HMGCLL1: variants seen among roughly 807,000 people sequenced by gnomAD.
The protein encoded by HMGCLL1 is 3-hydroxy-3-methylglutaryl-CoA lyase like 1.
Under a neutral mutation model 39.1 loss-of-function variants are expected in HMGCLL1, and 36 were observed. The observed-to-expected ratio is 0.92, with a 90% CI of 0.71 to 1.22. The LOEUF is 1.22. HMGCLL1 is among the 50% of genes most tolerant of loss of function. The pLI is 0.00. For synonymous variants in HMGCLL1, 149 were observed against 144.0 expected, an observed-to-expected ratio of 1.03 and a Z score of -0.25; for missense variants, 451 against 416.5, an observed-to-expected ratio of 1.08 and a Z score of -0.72.
chr6:55,467,280 C>T (rs1158410830), intron 7 of HMGCLL1, among the ~76,000 whole-genome samples: 4 of 142,796 alleles, frequency 2.8e-5, no homozygotes, highest in Non-Finnish European at 6.0e-5. Flanking sequence ...ACTATATTGC[C>T]TCCATGTAAT....
chr6:55,542,227 T>A, intron 1 of HMGCLL1, 87 bp from the exon 2 acceptor site: 1 of 749,788 alleles, frequency 1.3e-6, no homozygotes. Context: ...TGCACTTTGT[T>A]ATACTCTTAC....
At chr6:55,611,776 C>T in the HMGCLL1 span, among the ~76,000 whole-genome samples, 1 of 152,152 alleles carries the variant, frequency 6.6e-6, no homozygotes, top group Non-Finnish European at 1.5e-5. Flanking sequence ...TAAAAACTCT[C>T]AATAAACTAG....
chr6:55,655,016 G>A, the HMGCLL1 span, among the ~76,000 whole-genome samples: 1 of 151,812 alleles, frequency 6.6e-6, no homozygotes, highest in African/African-American at 2.4e-5. Flanking sequence ...TGCAGGCACC[G>A]AGCACTGTTG....
chr6:55,501,301 T>G (rs1016272227), intron 5 of HMGCLL1, among the ~76,000 whole-genome samples: 1 of 151,918 alleles, frequency 6.6e-6, no homozygotes, highest in South Asian at 2.1e-4. Context: ...TCCTGCCTAT[T>G]ACTCTTTTAA....
chr6:55,449,918 CTA>C (rs554882063), intron 7 of HMGCLL1, among the ~76,000 whole-genome samples: 107 of 119,916 alleles, frequency 8.9e-4, no homozygotes, highest in African/African-American at 3.3e-3. Flanking sequence ...TATATTGCTA[CTA>C]TTTTTTTTTT....
Position 55,465,882 on chromosome 6 carries a change from A to AT in HMGCLL1, c.796-26324dup, listed in dbSNP as rs564843675. On this transcript the variant is annotated intron_variant, in intron 7 of 8. Coordinates refer to ENST00000274901, the MANE Select transcript of HMGCLL1 (RefSeq NM_001042406.2). ...AAACTATTTCTTGTTTTCCATGAGG[A>AT]TTTTTTTTCTTTTTTATATTTCCAT... is the stretch of plus-strand genomic sequence containing the variant. Among the ~76,000 whole-genome samples the AT allele has an allele frequency of 8.8e-4, 133 of 151,726 alleles. 4 individuals carry two copies. In the South Asian group the frequency reaches 0.025, roughly 28 times the overall value.
the HMGCLL1 span, among the ~76,000 whole-genome samples, chr6:55,616,876 A>T: frequency 1.3e-5 from 2 of 152,158 alleles, no homozygotes; most frequent in South Asian, 4.1e-4. Context: ...AAATTAGATT[A>T]TAAAAATGGA....
chr6:55,451,486 G>A (rs563571383), intron 7 of HMGCLL1, among the ~76,000 whole-genome samples: 77 of 152,214 alleles, frequency 5.1e-4, no homozygotes, highest in Admixed American at 1.6e-3. Flanking sequence ...AGCCGGGCAC[G>A]GTGGTGTATG....
At chr6:55,598,527 A>G in the HMGCLL1 span, among the ~76,000 whole-genome samples, 1 of 152,212 alleles carries the variant, frequency 6.6e-6, no homozygotes, top group Admixed American at 6.5e-5. Flanking sequence ...AGCTGAAAGC[A>G]TTGAAACCAT....
chr6:55,435,563 A>C lies in HMGCLL1; in HGVS notation c.*99T>G, dbSNP rs937849092. On this transcript the variant is annotated 3_prime_UTR_variant, in exon 9 of 9. Coordinates refer to ENST00000274901, the MANE Select transcript of HMGCLL1 (RefSeq NM_001042406.2). ...GATCTCTTTTTTCCCACTCTTGTCC[A>C]TTACTTCACATATCAGAGCAAGTTG... 2 of 565,556 alleles carry C rather than the reference A, an allele frequency of 3.5e-6. No individual in the cohort carries two copies. The highest frequency in any genetic ancestry group is 6.2e-6 in the Non-Finnish European group (2 of 323,042). The allele number at this position is 565,556 out of a possible 1,614,324, so 35.0% of individuals were successfully genotyped here.
the HMGCLL1 span, among the ~76,000 whole-genome samples, chr6:55,658,315 T>C: frequency 6.6e-6 from 1 of 152,006 alleles, no homozygotes; most frequent in Non-Finnish European, 1.5e-5. Flanking sequence ...GGTTAAATTC[T>C]ACATAAAATT....
chr6:55,627,617 G>A, the HMGCLL1 span, among the ~76,000 whole-genome samples: 456 of 151,228 alleles, frequency 3.0e-3, 1 homozygote, highest in African/African-American at 0.01. Context: ...AGTGGGCTGA[G>A]GAAGGCAGAT....
chr6:55,646,249 T>A, the HMGCLL1 span, among the ~76,000 whole-genome samples: 2 of 151,876 alleles, frequency 1.3e-5, no homozygotes, highest in East Asian at 3.9e-4. Flanking sequence ...GGCTCCTTTT[T>A]CATCTCAAAT....
At chr6:55,477,723 A>T (rs1369434761) in intron 7 of HMGCLL1, among the ~76,000 whole-genome samples, 1 of 149,474 alleles carries the variant, frequency 6.7e-6, no homozygotes, top group Admixed American at 6.8e-5. Flanking sequence ...ACTTCTAATA[A>T]ATTTTCTAAT....
intron 5 of HMGCLL1, among the ~76,000 whole-genome samples, chr6:55,507,941 AC>A (rs1767254689): frequency 6.6e-6 from 1 of 151,408 alleles, no homozygotes; most frequent in Non-Finnish European, 1.5e-5. Flanking sequence ...TTTTTGGCCT[AC>A]CCACTCAAAA....
chr6:55,447,994 C>T (rs1561885987), intron 7 of HMGCLL1, among the ~76,000 whole-genome samples: 1 of 152,116 alleles, frequency 6.6e-6, no homozygotes, highest in African/African-American at 2.4e-5. Flanking sequence ...AGAAGAAGAA[C>T]ATCGACAAAT....
intron 3 of HMGCLL1, among the ~76,000 whole-genome samples, chr6:55,520,527 A>C (rs1385298656): frequency 6.6e-6 from 1 of 151,970 alleles, no homozygotes; most frequent in Non-Finnish European, 1.5e-5. Flanking sequence ...AAATCCTGAT[A>C]GAGTATCATT....
Position 55,477,402 on chromosome 6 carries a change from TATC to T in HMGCLL1, c.795+18014_795+18016del, listed in dbSNP as rs1765488110. On this transcript the variant is annotated intron_variant, in intron 7 of 8. Coordinates refer to ENST00000274901, the MANE Select transcript of HMGCLL1 (RefSeq NM_001042406.2). The stretch of plus-strand genomic sequence containing the variant: ...TATATTATCTAAATATAATATATAT[TATC>T]TAAATATATATTATCTTAATATATA... Among the ~76,000 whole-genome samples, 5 of 30,142 alleles carry T rather than the reference TATC, an allele frequency of 1.7e-4. 2 individuals are homozygous for T. Among genetic ancestry groups the T allele is most frequent in the Non-Finnish European group, 1.5e-4 (3 of 20,490 alleles). The allele number at this position is 30,142 out of a possible 152,430, so 19.8% of individuals were successfully genotyped here.
At chr6:55,478,406 G>A (rs1765569380) in intron 7 of HMGCLL1, among the ~76,000 whole-genome samples, 2 of 151,210 alleles carry the variant, frequency 1.3e-5, no homozygotes, top group Non-Finnish European at 2.9e-5. Flanking sequence ...GAAGTGAAAG[G>A]ACAAATAAAA....
Sources: allele counts gnomAD v4.1 joint callset (sites outside exome capture counted in the v4.1 genomes callset), GRCh38; gene constraint gnomAD v4.1.1; transcripts MANE v1.5; gene names NCBI Gene and HGNC (gene_info 2026-07-23, HGNC 2026-07-21).